GRM8: variants seen among roughly 807,000 people sequenced by gnomAD.
GRM8 encodes the protein metabotropic glutamate receptor 8.
In GRM8, 47 loss-of-function variants were observed where a neutral mutation model predicts 87.2. The observed-to-expected ratio is 0.54, with a 90% CI of 0.43 to 0.69. The LOEUF (loss-of-function observed/expected upper bound fraction) is 0.69, where lower values mean the gene tolerates loss of function less well. GRM8 is among the 30% of genes least tolerant of loss of function. The probability of loss-of-function intolerance (pLI) is 0.00; values close to 1 mark genes in which losing one functional copy is unlikely to be tolerated. For synonymous variants in GRM8, 396 were observed against 404.5 expected (o/e 0.98, Z 0.25); for missense variants, 1,019 against 1,139.2 (o/e 0.89, Z 1.52).
At chr7:126,654,775 G>A (rs1804315115) in intron 7 of GRM8, among the ~76,000 whole-genome samples, 1 of 152,158 alleles carries the variant, frequency 6.6e-6, no homozygotes. Context: ...TTAAAACCAG[G>A]TAAGACTAGG....
At chr7:126,956,787 A>C (rs1233350648) in intron 3 of GRM8, among the ~76,000 whole-genome samples, 4 of 152,250 alleles carry the variant, frequency 2.6e-5, no homozygotes, top group African/African-American at 9.6e-5. Context: ...ATGAGAAGAC[A>C]TGAATCTTGT....
chr7:126,792,721 T>C (rs1000827867), intron 6 of GRM8, among the ~76,000 whole-genome samples: 5 of 152,314 alleles, frequency 3.3e-5, no homozygotes, highest in African/African-American at 1.2e-4. Context: ...GGGTGCTTTT[T>C]TTCCATCCCA....
intron 3 of GRM8, among the ~76,000 whole-genome samples, chr7:126,987,004 G>A (rs1812140261): frequency 2.6e-5 from 4 of 152,108 alleles, no homozygotes; most frequent in Non-Finnish European, 4.4e-5. Flanking sequence ...CGTAAAAGAA[G>A]TATCTTGCCT....
At chr7:126,787,253 T>G (rs1820715969) in intron 6 of GRM8, among the ~76,000 whole-genome samples, 1 of 152,218 alleles carries the variant, frequency 6.6e-6, no homozygotes, top group South Asian at 2.1e-4. Context: ...ACAAGTTTCA[T>G]GTGTGTGACA....
At chr7:126,460,354 G>T (rs2150516911) in intron 9 of GRM8, among the ~76,000 whole-genome samples, 1 of 151,702 alleles carries the variant, frequency 6.6e-6, no homozygotes, top group East Asian at 2.0e-4. Flanking sequence ...TTGGCACTAA[G>T]AGCCCCATGT....
chr7:127,018,414 C>CTTT (rs113155218), intron 3 of GRM8, among the ~76,000 whole-genome samples: 19 of 133,166 alleles, frequency 1.4e-4, no homozygotes, highest in African/African-American at 2.5e-4. Context: ...CTTAAAGTGG[C>CTTT]TTTTTTTTTT....
At chr7:126,441,584 C>A (rs1260745688) in intron 10 of GRM8, among the ~76,000 whole-genome samples, 1 of 151,984 alleles carries the variant, frequency 6.6e-6, no homozygotes, top group African/African-American at 2.4e-5. Context: ...GTATGTGTTT[C>A]AATATATGAA....
intron 2 of GRM8, among the ~76,000 whole-genome samples, chr7:127,173,297 G>A (rs971443448): frequency 1.3e-5 from 2 of 152,202 alleles, no homozygotes; most frequent in African/African-American, 4.8e-5. Context: ...TATTGGGAAG[G>A]TATCTTTTGA....
At chr7:126,734,962 G>A (rs550393907) in intron 7 of GRM8, among the ~76,000 whole-genome samples, 1 of 152,176 alleles carries the variant, frequency 6.6e-6, no homozygotes, top group South Asian at 2.1e-4. Flanking sequence ...TTATTTAGTA[G>A]AGAGTTGGTA....
At chr7:126,796,794 T>C (rs1041201378) in intron 6 of GRM8, among the ~76,000 whole-genome samples, 2 of 152,088 alleles carry the variant, frequency 1.3e-5, no homozygotes, top group Admixed American at 6.6e-5. Context: ...ATTATATTCA[T>C]TATTAGCAAA....
At chr7:126,924,519 C>T (rs988640509) in intron 3 of GRM8, among the ~76,000 whole-genome samples, 3 of 152,190 alleles carry the variant, frequency 2.0e-5, no homozygotes, top group Non-Finnish European at 2.9e-5. Flanking sequence ...TTTTCTCACC[C>T]TCTACCAACT....
At chr7:127,069,857 C>A (rs1022671443) in intron 3 of GRM8, among the ~76,000 whole-genome samples, 1 of 152,086 alleles carries the variant, frequency 6.6e-6, no homozygotes, top group Non-Finnish European at 1.5e-5. Context: ...GTACTATAAC[C>A]CACAACTGGC....
At chr7:127,091,276 C>A (rs1377757148) in intron 3 of GRM8, among the ~76,000 whole-genome samples, 1 of 151,988 alleles carries the variant, frequency 6.6e-6, no homozygotes, top group Non-Finnish European at 1.5e-5. Flanking sequence ...CTGTCATACC[C>A]CACTGATCAT....
intron 3 of GRM8, among the ~76,000 whole-genome samples, chr7:127,064,911 T>G (rs1022525908): frequency 6.6e-6 from 1 of 152,140 alleles, no homozygotes; most frequent in Non-Finnish European, 1.5e-5. Context: ...CTATACACTG[T>G]TGGTGGGAGT....
At chr7:127,086,539 A>G (rs939578013) in intron 3 of GRM8, among the ~76,000 whole-genome samples, 1 of 152,128 alleles carries the variant, frequency 6.6e-6, no homozygotes, top group African/African-American at 2.4e-5. Context: ...CTCTGTCTAC[A>G]TGCACCTCCC....
At chr7:127,027,243 T>C (rs995149315) in intron 3 of GRM8, among the ~76,000 whole-genome samples, 1 of 152,206 alleles carries the variant, frequency 6.6e-6, no homozygotes, top group Non-Finnish European at 1.5e-5. Flanking sequence ...CGCAGCCTTG[T>C]AGTATAGTTT....
At chr7:127,047,500 T>G (rs1819049824) in intron 3 of GRM8, among the ~76,000 whole-genome samples, 1 of 152,124 alleles carries the variant, frequency 6.6e-6, no homozygotes. Context: ...CTTTTTCCCC[T>G]TCTCCTTTTT....
At chr7:126,565,976 T>C (rs1433263888) in intron 8 of GRM8, among the ~76,000 whole-genome samples, 3 of 152,168 alleles carry the variant, frequency 2.0e-5, no homozygotes, top group Non-Finnish European at 4.4e-5. Context: ...GAAAACTAGA[T>C]ATCCACATGC....
chr7:126,618,186 C>G (rs1307533550), intron 7 of GRM8, among the ~76,000 whole-genome samples: 1 of 152,012 alleles, frequency 6.6e-6, no homozygotes, highest in Non-Finnish European at 1.5e-5. Flanking sequence ...GAGATATAGA[C>G]CAATGGAACA....
Sources: gnomAD v4.1 joint callset for allele counts (sites outside exome capture counted in the v4.1 genomes callset) on GRCh38, gnomAD v4.1.1 for gene constraint, MANE v1.5 for transcripts, NCBI Gene and HGNC (gene_info 2026-07-23, HGNC 2026-07-21) for gene names.